INPP5A: variants seen among roughly 807,000 people sequenced by gnomAD.
INPP5A encodes inositol polyphosphate-5-phosphatase A, also known as 43 kDa inositol polyphosphate 5-phophatase.
INPP5A carries 14 observed loss-of-function variants against 65.2 expected under a neutral mutation model. The ratio of observed to expected loss-of-function variants is 0.21; its 90% confidence interval spans 0.14 to 0.34. The LOEUF (loss-of-function observed/expected upper bound fraction) is 0.34, where lower values mean the gene tolerates loss of function less well. INPP5A is among the 10% of genes least tolerant of loss of function. INPP5A has a pLI of 1.00. For missense variants in INPP5A, 431 were observed against 545.6 expected (o/e 0.79, Z 2.09); for synonymous variants, 207 against 208.3 (o/e 0.99, Z 0.05).
At chr10:132,639,175 C>T (rs999531222) in intron 2 of INPP5A, among the ~76,000 whole-genome samples, 13 of 152,202 alleles carry the variant, frequency 8.5e-5, no homozygotes, top group African/African-American at 2.9e-4. Context: ...CATTCCCCTC[C>T]AGCCCTGCCC....
At position 132,780,883 on chromosome 10, in the gene INPP5A, A is replaced by G. The variant is rs1422693071; in HGVS notation, c.1124A>G (p.His375Arg). 1 of 1,612,298 alleles carries G rather than the reference A, an allele frequency of 6.2e-7. No homozygotes were observed. Among genetic ancestry groups the G allele is most frequent in the Non-Finnish European group, 8.5e-7 (1 of 1,179,468 alleles). Residue 375 changes from histidine to arginine, a missense_variant, in exon 14 of 16, where the codon CAC becomes CGC. By Grantham distance (29) the His-to-Arg change is conservative. Coordinates refer to ENST00000368594, the MANE Select transcript of INPP5A (RefSeq NM_005539.5). ...GAGGAGAAGGTTGTCACCTATGACCACATTGGGCCCAACGTCTGCATGGGA... is the reference window on the plus strand; with the variant it reads ...GAGGAGAAGGTTGTCACCTATGACCGCATTGGGCCCAACGTCTGCATGGGA... ...ESEEKVVTYD[H>R]IGPNVCMGDH...
At chr10:132,654,402 C>T (rs543750088) in intron 4 of INPP5A, among the ~76,000 whole-genome samples, 2 of 152,370 alleles carry the variant, frequency 1.3e-5, no homozygotes, top group East Asian at 1.9e-4. Context: ...TGGTGCCAGG[C>T]GGGCCTGTCC....
At chr10:132,624,456 A>T (rs746386518) in intron 2 of INPP5A, among the ~76,000 whole-genome samples, 3 of 151,024 alleles carry the variant, frequency 2.0e-5, no homozygotes, top group Non-Finnish European at 3.0e-5. Context: ...TGCACTTCCC[A>T]CCAGCGTGTC....
rs550775869 is a variant in INPP5A, at chr10:132,649,138, T to C, written c.219-1280T>C. ...ATTTTTAAGTGGCTGGGCTCTTTTC[T>C]GTTGCAGATTTTGATCTTCTCTTAG... On this transcript the variant is annotated intron_variant, in intron 3 of 15. Transcript: ENST00000368594. Among the ~76,000 whole-genome samples the C allele has an allele frequency of 2.6e-5, 4 of 152,366 alleles. No homozygotes were observed. In the South Asian group the frequency reaches 6.2e-4, roughly 24 times the overall value.
intron 11 of INPP5A, among the ~76,000 whole-genome samples, chr10:132,756,292 A>G (rs926045021): frequency 6.6e-6 from 1 of 151,668 alleles, no homozygotes; most frequent in African/African-American, 2.4e-5. Context: ...GTGCATGTGC[A>G]CTAGTGTGTG....
rs990651136 is a variant in INPP5A at position 132,704,515 on chromosome 10, G to C, written c.475-3798G>C. Among the ~76,000 whole-genome samples the C allele has an allele frequency of 6.6e-6, 1 of 152,224 alleles. No homozygotes were observed. Among genetic ancestry groups the C allele is most frequent in the African/African-American group, 2.4e-5 (1 of 41,464 alleles). On this transcript the variant is annotated intron_variant, in intron 6 of 15. Transcript: ENST00000368594. The surrounding 1 kb of genome is among the most constrained non-coding windows in gnomAD (Gnocchi z 4.5). ...CTGCTGGTGCGCAGAGCCACCCCTCGCAGCCCGCCGGCAACATGGGCTCTG... is the reference window on the plus strand; with the variant it reads ...CTGCTGGTGCGCAGAGCCACCCCTCCCAGCCCGCCGGCAACATGGGCTCTG...
chr10:132,777,828 G>C, intron 13 of INPP5A, 46 bp downstream of exon 13: 1 of 1,596,054 alleles, frequency 6.3e-7, no homozygotes, highest in Non-Finnish European at 8.5e-7. Context: ...GATGTGGAGC[G>C]CTGGGTCTGG....
At chr10:132,754,973 G>A (rs2134650335) in intron 11 of INPP5A, among the ~76,000 whole-genome samples, 1 of 152,300 alleles carries the variant, frequency 6.6e-6, no homozygotes, top group South Asian at 2.1e-4. Context: ...GTATAAGCAG[G>A]CATGTGTGCG....
intron 12 of INPP5A, among the ~76,000 whole-genome samples, chr10:132,767,349 C>CAGGG (rs61566307): frequency 0.78 from 30,526 of 38,964 alleles, 12,298 homozygotes; most frequent in East Asian, 0.99. Flanking sequence ...GATGTGTCCT[C>CAGGG]AGCTTGGGGA....
rs151076695 is a variant in INPP5A at position 132,599,023 on chromosome 10, A to G, written c.76-8892A>G. 1.1e-3 allele frequency among the ~76,000 whole-genome samples: 175 copies of G among 152,290 alleles called. 2 individuals carry two copies. The East Asian group carries it at 0.031, about 27-fold the overall frequency. ...ACAGGTGGGAATTCTGGGAGATACA[A>G]TTCAAGTGAGATTTGGGTGGGGACA... On this transcript the variant is annotated intron_variant, in intron 1 of 15. Coordinates refer to ENST00000368594, the MANE Select transcript of INPP5A (RefSeq NM_005539.5).
At chr10:132,758,025 C>T (rs1265586888) in intron 11 of INPP5A, among the ~76,000 whole-genome samples, 3 of 142,658 alleles carry the variant, frequency 2.1e-5, no homozygotes, top group African/African-American at 8.0e-5. Flanking sequence ...AACACAGTGC[C>T]GTGGTGTGGG....
intron 9 of INPP5A, among the ~76,000 whole-genome samples, chr10:132,745,718 G>T (rs952661530): frequency 4.6e-5 from 7 of 151,308 alleles, no homozygotes; most frequent in African/African-American, 7.3e-5. Context: ...GCCCAGGCGT[G>T]GTGGGCTTCG....
chr10:132,752,585 T>A (rs1330302992), intron 11 of INPP5A, among the ~76,000 whole-genome samples: 1 of 97,716 alleles, frequency 1.0e-5, no homozygotes, highest in Non-Finnish European at 2.1e-5. Flanking sequence ...GGTGAGGAGG[T>A]GTGGCATGGA....
intron 5 of INPP5A, among the ~76,000 whole-genome samples, chr10:132,693,211 G>A (rs991511909): frequency 6.6e-6 from 1 of 152,164 alleles, no homozygotes; most frequent in African/African-American, 2.4e-5. Flanking sequence ...CATATAAAAT[G>A]CCCAGTAAAA....
chr10:132,722,068 G>C (rs1845894918), intron 8 of INPP5A, among the ~76,000 whole-genome samples: 1 of 152,162 alleles, frequency 6.6e-6, no homozygotes, highest in Admixed American at 6.5e-5. Flanking sequence ...TGATTATTAA[G>C]AGAAACTTTT....
At chr10:132,779,735 G>A (rs188887003) in intron 13 of INPP5A, among the ~76,000 whole-genome samples, 7 of 152,326 alleles carry the variant, frequency 4.6e-5, no homozygotes, top group Admixed American at 2.6e-4. Flanking sequence ...AAGCAGACGG[G>A]CGCCGGGCGC....
intron 11 of INPP5A, among the ~76,000 whole-genome samples, chr10:132,764,187 T>G (rs1294204440): frequency 6.6e-6 from 1 of 152,274 alleles, no homozygotes; most frequent in Non-Finnish European, 1.5e-5. Context: ...AATGACTGTG[T>G]GCATGAGGCT....
At chr10:132,724,803 G>C (rs937688629) in intron 8 of INPP5A, among the ~76,000 whole-genome samples, 1 of 149,276 alleles carries the variant, frequency 6.7e-6, no homozygotes, top group Non-Finnish European at 1.5e-5. Flanking sequence ...CAGAACTCAC[G>C]GGGGGCCCCA....
In INPP5A at chr10:132,678,371, A is replaced by G. The variant is rs763999002; in HGVS notation, c.307-12021A>G. 6.6e-6 allele frequency among the ~76,000 whole-genome samples: 1 copy of G among 152,178 alleles called. No homozygotes were observed. The highest frequency in any genetic ancestry group is 1.9e-4 in the East Asian group (1 of 5,204). On this transcript the variant is annotated intron_variant, in intron 4 of 15. Coordinates refer to ENST00000368594, the MANE Select transcript of INPP5A (RefSeq NM_005539.5). This position sits in a 1 kb window ranked among gnomAD's most constrained non-coding sequence, Gnocchi z 4.1. ...TATTGTTTATAATCTAATGACTGTT[A>G]TTATAACTTTGCTTTGATTTATTAC...
Sources: gnomAD v4.1 joint callset for allele counts (sites outside exome capture counted in the v4.1 genomes callset) on GRCh38, gnomAD v4.1.1 for gene constraint, Gnocchi (gnomAD v3.1) non-coding constraint, MANE v1.5 for transcripts, NCBI Gene and HGNC (gene_info 2026-07-23, HGNC 2026-07-21) for gene names.